Variants in MAGI1 observed in about 807,000 individuals in gnomAD.
MAGI1 encodes membrane associated guanylate kinase, WW and PDZ domain containing 1, also known as membrane-associated guanylate kinase, WW and PDZ domain-containing protein 1.
Under a neutral mutation model 139.9 loss-of-function variants are expected in MAGI1, and 58 were observed. That is an observed-to-expected ratio of 0.41 (90% CI 0.34 to 0.52). The LOEUF (loss-of-function observed/expected upper bound fraction) is 0.52. Among genes scored for constraint, MAGI1 ranks in the 20% least tolerant of loss-of-function variants. MAGI1 has a pLI of 0.12. For missense variants in MAGI1, 1,874 were observed against 1,901.6 expected, an observed-to-expected ratio of 0.99 and a Z score of 0.27; for synonymous variants, 812 against 737.9, an observed-to-expected ratio of 1.10 and a Z score of -1.63.
In MAGI1 at chr3:65,984,549, T is replaced by TGTGTGTGTGTGTGA. The variant is rs1365094861; in HGVS notation, c.313+53446_313+53447insTCACACACACACAC. Among the ~76,000 whole-genome samples the TGTGTGTGTGTGTGA allele has an allele frequency of 4.8e-4, 69 of 143,458 alleles. 1 individual carries two copies. The highest frequency in any genetic ancestry group is 7.1e-3 in the Middle Eastern group (2 of 282). 94.1% of individuals were successfully genotyped at this position (143,458 alleles called of 152,430 possible). A position where few individuals can be genotyped will look rare whatever the true frequency, so the allele number is the denominator to read the frequency against. On this transcript the variant is annotated intron_variant, in intron 1 of 22. Transcript: ENST00000402939. ...GTGTGTGTGTGTGTGTGTGTGTGTG[T>TGTGTGTGTGTGTGA]GACAGGGTCTCACTCTATCGCCCAG...
chr3:65,812,699 CTTTTTTTTTTTTTTTTT>C lies in MAGI1; in HGVS notation c.314-190628_314-190612del, dbSNP rs539502538. ...AAACTGACTGGTTAAAGTTAGTTTA[CTTTTTTTTTTTTTTTTT>C]TTTTTTTTTTTGAGACAGAGTTTTG... On this transcript the variant is annotated intron_variant, in intron 1 of 22. Transcript: ENST00000402939. 1.8e-3 allele frequency among the ~76,000 whole-genome samples: 129 copies of C among 72,910 alleles called. 2 individuals are homozygous for C. Among genetic ancestry groups the C allele is most frequent in the Admixed American group, 4.4e-3 (23 of 5,174 alleles). The allele number at this position is 72,910 out of a possible 152,430, so 47.8% of individuals were successfully genotyped here.
At chr3:65,500,862 G>A (rs569413951) in intron 2 of MAGI1, among the ~76,000 whole-genome samples, 86 of 152,302 alleles carry the variant, frequency 5.6e-4, no homozygotes, top group Non-Finnish European at 9.1e-4. Flanking sequence ...AAAAATGACA[G>A]TCACTGCAAC....
intron 1 of MAGI1, among the ~76,000 whole-genome samples, chr3:65,868,824 G>A (rs1055261143): frequency 4.6e-5 from 7 of 152,008 alleles, no homozygotes; most frequent in African/African-American, 1.7e-4. Flanking sequence ...TCAATACTTT[G>A]CATATTTTTC....
intron 1 of MAGI1, among the ~76,000 whole-genome samples, chr3:65,771,602 G>C (rs975534046): frequency 1.3e-5 from 2 of 152,102 alleles, no homozygotes; most frequent in Non-Finnish European, 2.9e-5. Context: ...CTCCAAATGT[G>C]ATTAATAGTT....
chr3:65,777,302 C>G (rs917792621), intron 1 of MAGI1, among the ~76,000 whole-genome samples: 2 of 152,084 alleles, frequency 1.3e-5, no homozygotes, highest in Non-Finnish European at 2.9e-5. Context: ...AGTGCCTAAT[C>G]AAGTGGTTGC....
At chr3:65,718,386 C>T (rs2032544380) in intron 1 of MAGI1, 1 of 152,126 alleles carries the variant, frequency 6.6e-6, no homozygotes, top group South Asian at 2.1e-4. Context: ...TGGAGATGAA[C>T]CAATCTTTGA....
intron 1 of MAGI1, among the ~76,000 whole-genome samples, chr3:65,760,769 C>T (rs1434633458): frequency 6.6e-6 from 1 of 152,074 alleles, no homozygotes; most frequent in Non-Finnish European, 1.5e-5. Context: ...TACCACACAA[C>T]ACTGCCTTAT....
chr3:65,665,295 C>T (rs559655024), intron 1 of MAGI1, among the ~76,000 whole-genome samples: 18 of 152,124 alleles, frequency 1.2e-4, no homozygotes, highest in Admixed American at 9.2e-4. Context: ...AAAAAGAAAA[C>T]GGAAATTGGC....
At chr3:65,883,874 G>A (rs2060431687) in intron 1 of MAGI1, among the ~76,000 whole-genome samples, 1 of 152,120 alleles carries the variant, frequency 6.6e-6, no homozygotes, top group African/African-American at 2.4e-5. Context: ...ATAAACTACT[G>A]GAGCCAGAAC....
chr3:65,596,923 G>A (rs540198150), intron 2 of MAGI1, among the ~76,000 whole-genome samples: 1 of 152,126 alleles, frequency 6.6e-6, no homozygotes, highest in African/African-American at 2.4e-5. Flanking sequence ...AAAGCCTTCC[G>A]CATGTACATT....
At chr3:65,640,038 C>T (rs1445457873) in intron 1 of MAGI1, among the ~76,000 whole-genome samples, 1 of 148,822 alleles carries the variant, frequency 6.7e-6, no homozygotes, top group Admixed American at 6.6e-5. Context: ...AGCTGGGAAT[C>T]AGTTTTTCCT....
At chr3:65,968,079 A>C (rs1229723797) in intron 1 of MAGI1, among the ~76,000 whole-genome samples, 1 of 152,236 alleles carries the variant, frequency 6.6e-6, no homozygotes, top group Non-Finnish European at 1.5e-5. Flanking sequence ...GTCTAAGGGA[A>C]GCAAGTAAAT....
chr3:65,443,967 G>A lies in MAGI1; in HGVS notation c.1079-1118C>T, dbSNP rs1948508833. 1.3e-5 allele frequency among the ~76,000 whole-genome samples: 2 copies of A among 152,152 alleles called. 1 individual carries two copies. Among genetic ancestry groups the A allele is most frequent in the South Asian group, 4.1e-4 (2 of 4,828 alleles). ...CATATACCACAAACAGTTCCAGACT[G>A]AGGTAGAGGCATGCACATGCACACA... On this transcript the variant is annotated intron_variant, in intron 7 of 22. Transcript: ENST00000402939.
intron 2 of MAGI1, among the ~76,000 whole-genome samples, chr3:65,556,087 T>C (rs2080075448): frequency 6.6e-6 from 1 of 152,162 alleles, no homozygotes; most frequent in Non-Finnish European, 1.5e-5. Context: ...AGTGAATTAG[T>C]GTGGAAGTAG....
At chr3:65,557,577 A>T (rs1185177462) in intron 2 of MAGI1, among the ~76,000 whole-genome samples, 1 of 152,218 alleles carries the variant, frequency 6.6e-6, no homozygotes, top group Non-Finnish European at 1.5e-5. Flanking sequence ...ACTTAGCAAT[A>T]GATAATGAAT....
At chr3:66,031,913 T>C (rs2107599401) in intron 1 of MAGI1, among the ~76,000 whole-genome samples, 1 of 152,316 alleles carries the variant, frequency 6.6e-6, no homozygotes, top group African/African-American at 2.4e-5. Context: ...ATCTGAAATT[T>C]CACGTTTAGA....
chr3:65,674,719 G>T (rs1451413081), intron 1 of MAGI1, among the ~76,000 whole-genome samples: 2 of 152,086 alleles, frequency 1.3e-5, no homozygotes, highest in African/African-American at 4.8e-5. Context: ...TTTGAAGGTT[G>T]CCCACTATGC....
rs1575755435 is a variant in MAGI1 at position 65,440,884 on chromosome 3, T to C, written c.1137-872A>G. Among the ~76,000 whole-genome samples, 3 of 146,340 alleles carry C rather than the reference T, an allele frequency of 2.1e-5. No homozygotes were observed. In the South Asian group the frequency reaches 6.4e-4, roughly 31 times the overall value. On this transcript the variant is annotated intron_variant, in intron 8 of 22. Transcript: ENST00000402939. ...ATATATGTATACACATATATGTACA[T>C]ATATATGGTACATATGTGTGTATAT...
At chr3:65,774,588 C>A (rs979811282) in intron 1 of MAGI1, among the ~76,000 whole-genome samples, 1 of 152,150 alleles carries the variant, frequency 6.6e-6, no homozygotes, top group Admixed American at 6.5e-5. Flanking sequence ...GTCTACCAAG[C>A]TTTTGTTCAC....
Sources: allele counts gnomAD v4.1 joint callset (sites outside exome capture counted in the v4.1 genomes callset), GRCh38; gene constraint gnomAD v4.1.1; transcripts MANE v1.5; gene names NCBI Gene and HGNC (gene_info 2026-07-23, HGNC 2026-07-21).